Variants in NEDD9 observed in about 807,000 individuals in gnomAD.
The protein encoded by NEDD9 is enhancer of filamentation 1.
A neutral mutation model predicts 76.6 loss-of-function variants in NEDD9; 26 were observed. That is an observed-to-expected ratio of 0.34 (90% CI 0.25 to 0.47). The LOEUF (loss-of-function observed/expected upper bound fraction) is 0.47, where lower values mean the gene tolerates loss of function less well. Among genes scored for constraint, NEDD9 ranks in the 20% least tolerant of loss-of-function variants. The pLI, the probability that NEDD9 is intolerant of heterozygous loss-of-function variation, is 1.00. For missense variants in NEDD9, 937 were observed against 1,058.5 expected (o/e 0.89, Z 1.59); for synonymous variants, 392 against 414.2 (o/e 0.95, Z 0.65).
At chr6:11,381,293 A>G (rs1429709272) in intron 1 of NEDD9, among the ~76,000 whole-genome samples, 3 of 152,200 alleles carry the variant, frequency 2.0e-5, no homozygotes, top group East Asian at 1.9e-4. Context: ...AGGAGTTTAA[A>G]TGACTAGAGC....
chr6:11,379,806 T>G (rs1298731430), intron 1 of NEDD9, among the ~76,000 whole-genome samples: 1 of 152,220 alleles, frequency 6.6e-6, no homozygotes, highest in African/African-American at 2.4e-5. Context: ...TTTCTCTTGT[T>G]AAAACAGTAA....
intron 1 of NEDD9, among the ~76,000 whole-genome samples, chr6:11,359,340 A>G (rs1762636774): frequency 6.6e-6 from 1 of 152,258 alleles, no homozygotes; most frequent in African/African-American, 2.4e-5. Flanking sequence ...TTGCCCAGGA[A>G]GCTACAGGGA....
intron 1 of NEDD9, among the ~76,000 whole-genome samples, chr6:11,218,362 T>TC (rs1759037669): frequency 7.2e-6 from 1 of 139,096 alleles, no homozygotes; most frequent in African/African-American, 2.7e-5. Context: ...TTTTTTTTTT[T>TC]CTGTAGCACA....
At chr6:11,200,676 C>T in intron 2 of NEDD9, 1 of 1,240,992 alleles carries the variant, frequency 8.1e-7, no homozygotes, top group Non-Finnish European at 1.0e-6. Flanking sequence ...ATGTATAGTG[C>T]TCAAAATGAG....
intron 1 of NEDD9, among the ~76,000 whole-genome samples, chr6:11,373,501 T>C (rs191950680): frequency 4.6e-5 from 7 of 151,846 alleles, no homozygotes; most frequent in Admixed American, 3.9e-4. Flanking sequence ...TGAAAACTAC[T>C]GCGAGTGTTT....
intron 3 of NEDD9, 141 bp downstream of exon 3, chr6:11,193,450 G>T: frequency 2.0e-6 from 1 of 491,800 alleles, no homozygotes; most frequent in African/African-American, 2.0e-5. Flanking sequence ...TGGCTAAAGT[G>T]GCTACTGGGT....
chr6:11,337,666 C>T (rs1188926052), intron 1 of NEDD9, among the ~76,000 whole-genome samples: 1 of 152,178 alleles, frequency 6.6e-6, no homozygotes, highest in Non-Finnish European at 1.5e-5. Flanking sequence ...ATGTTCTGTC[C>T]AACTCCGTCC....
intron 2 of NEDD9, among the ~76,000 whole-genome samples, chr6:11,319,735 CAT>C (rs1761732622): frequency 2.7e-5 from 3 of 112,876 alleles, no homozygotes; most frequent in African/African-American, 8.1e-5. Flanking sequence ...CACACACTAA[CAT>C]GCACACACAC....
chr6:11,288,940 G>C (rs934254894), intron 3 of NEDD9, among the ~76,000 whole-genome samples: 2 of 152,166 alleles, frequency 1.3e-5, no homozygotes, highest in Non-Finnish European at 2.9e-5. Context: ...TGTTTTACTA[G>C]TGTGTATGTA....
At chr6:11,366,567 G>A (rs181145265) in intron 1 of NEDD9, among the ~76,000 whole-genome samples, 111 of 152,284 alleles carry the variant, frequency 7.3e-4, no homozygotes, top group African/African-American at 2.6e-3. Flanking sequence ...GCCATTAGAG[G>A]TTGGCACTTT....
intron 3 of NEDD9, among the ~76,000 whole-genome samples, chr6:11,238,948 C>T (rs1291072501): frequency 6.6e-6 from 1 of 151,978 alleles, no homozygotes; most frequent in Non-Finnish European, 1.5e-5. Flanking sequence ...TTGCTTGAGC[C>T]CAGGAGTTTG....
At chr6:11,250,277 C>A (rs1401500697) in intron 3 of NEDD9, among the ~76,000 whole-genome samples, 2 of 152,128 alleles carry the variant, frequency 1.3e-5, no homozygotes, top group Non-Finnish European at 2.9e-5. Flanking sequence ...GAGTTAGAGC[C>A]CCCATGACAA....
chr6:11,364,475 T>G (rs1463998926), intron 1 of NEDD9, among the ~76,000 whole-genome samples: 3 of 152,134 alleles, frequency 2.0e-5, no homozygotes. Flanking sequence ...GACATTATAA[T>G]TATCTCCATT....
chr6:11,271,231 C>T (rs1034530957), intron 3 of NEDD9, among the ~76,000 whole-genome samples: 2 of 152,074 alleles, frequency 1.3e-5, no homozygotes, highest in Non-Finnish European at 1.5e-5. Context: ...GAAATGCGGT[C>T]TCATTTTGTT....
At chr6:11,310,582 C>G (rs1761336184) in intron 2 of NEDD9, among the ~76,000 whole-genome samples, 1 of 152,170 alleles carries the variant, frequency 6.6e-6, no homozygotes, top group South Asian at 2.1e-4. Context: ...TCTGTAGTTC[C>G]CTGGCCAGCT....
At chr6:11,192,316 T>C in intron 4 of NEDD9, 29 bp downstream of exon 4, 1 of 1,216,398 alleles carries the variant, frequency 8.2e-7, no homozygotes, top group Non-Finnish European at 1.1e-6. Flanking sequence ...CACACACTCC[T>C]TTTTGCTGCT....
At chr6:11,204,382 T>C (rs1758540514) in intron 2 of NEDD9, among the ~76,000 whole-genome samples, 1 of 152,222 alleles carries the variant, frequency 6.6e-6, no homozygotes, top group African/African-American at 2.4e-5. Context: ...TGCCCCCACC[T>C]GGTTAAATGA....
At chr6:11,202,766 T>C (rs1430997668) in intron 2 of NEDD9, among the ~76,000 whole-genome samples, 4 of 152,228 alleles carry the variant, frequency 2.6e-5, no homozygotes, top group Admixed American at 2.6e-4. Flanking sequence ...TCTCTGGTGC[T>C]CATGAAGTTT....
chr6:11,232,870 C>CCTTA (rs1759524655), upstream of NEDD9, among the ~76,000 whole-genome samples: 1 of 152,172 alleles, frequency 6.6e-6, no homozygotes, highest in African/African-American at 2.4e-5. Flanking sequence ...CCGTCCTGAA[C>CCTTA]CTTACTCTGT....
Sources: gnomAD v4.1 joint callset for allele counts (sites outside exome capture counted in the v4.1 genomes callset) on GRCh38, gnomAD v4.1.1 for gene constraint, MANE v1.5 for transcripts, NCBI Gene and HGNC (gene_info 2026-07-23, HGNC 2026-07-21) for gene names.